RGS12: variants seen among roughly 807,000 people sequenced by gnomAD.
RGS12 encodes the protein regulator of G-protein signaling 12.
A neutral mutation model predicts 120.1 loss-of-function variants in RGS12; 66 were observed. The ratio of observed to expected loss-of-function variants is 0.55; its 90% CI spans 0.45 to 0.67. The LOEUF (loss-of-function observed/expected upper bound fraction) is 0.67, where lower values mean the gene tolerates loss of function less well. RGS12 is among the 30% of genes least tolerant of loss of function. The pLI, the probability that RGS12 is intolerant of heterozygous loss-of-function variation, is 0.00. For synonymous variants in RGS12, 827 were observed against 804.7 expected, an observed-to-expected ratio of 1.03 and a Z score of -0.47; for missense variants, 1,859 against 1,957.7, an observed-to-expected ratio of 0.95 and a Z score of 0.95.
chr4:3,344,104 C>T (rs922537825), intron 3 of RGS12, among the ~76,000 whole-genome samples: 3 of 152,120 alleles, frequency 2.0e-5, no homozygotes, highest in Non-Finnish European at 2.9e-5. Flanking sequence ...TCTGCATGAG[C>T]GGTGTGGCCA....
chr4:3,329,572 C>T (rs1711594450), intron 2 of RGS12, among the ~76,000 whole-genome samples: 1 of 146,574 alleles, frequency 6.8e-6, no homozygotes, highest in African/African-American at 2.7e-5. Flanking sequence ...AACGTCCCCT[C>T]ATACACTGAA....
intron 3 of RGS12, among the ~76,000 whole-genome samples, chr4:3,345,881 C>A (rs935108821): frequency 2.6e-5 from 4 of 152,088 alleles, no homozygotes; most frequent in African/African-American, 9.7e-5. Context: ...TTGGGTGAGA[C>A]TTTTTATAAT....
At chr4:3,302,215 TC>T (rs1232308983) in intron 1 of RGS12, among the ~76,000 whole-genome samples, 2 of 152,146 alleles carry the variant, frequency 1.3e-5, no homozygotes, top group Non-Finnish European at 2.9e-5. Context: ...CACGGGGGTA[TC>T]CTGGAGGGCT....
intron 2 of RGS12, among the ~76,000 whole-genome samples, chr4:3,328,175 G>A (rs963515058): frequency 1.3e-5 from 2 of 152,204 alleles, no homozygotes; most frequent in African/African-American, 2.4e-5. Context: ...ATTTATAAGC[G>A]GGAGCTAAAT....
intron 1 of RGS12, among the ~76,000 whole-genome samples, chr4:3,304,217 G>A (rs1248527287): frequency 1.3e-5 from 2 of 152,204 alleles, no homozygotes; most frequent in Non-Finnish European, 2.9e-5. Context: ...ATGACAAAAT[G>A]CTGACCTGGG....
chr4:3,408,164 G>A (rs1356109872), intron 4 of RGS12, among the ~76,000 whole-genome samples: 3 of 152,180 alleles, frequency 2.0e-5, no homozygotes, highest in African/African-American at 4.8e-5. Flanking sequence ...CAGACGTGGT[G>A]GCATCCCTCC....
chr4:3,389,717 ACCT>A lies in RGS12; in HGVS notation c.2020+3287_2020+3289del, dbSNP rs1257663401. Among the ~76,000 whole-genome samples the A allele has an allele frequency of 6.6e-6, 1 of 152,036 alleles. No individual in the cohort carries two copies. The highest frequency in any genetic ancestry group is 1.5e-5 in the Non-Finnish European group (1 of 67,996). On this transcript the variant is annotated intron_variant, in intron 4 of 17. Coordinates refer to ENST00000336727, the MANE Select transcript of RGS12 (RefSeq NM_001394154.1). The surrounding 1 kb of genome is among the most constrained non-coding windows in gnomAD (Gnocchi z 5.2). ...CTATCGGGGAGCTCCCAGAGCGCCC[ACCT>A]CCTCCTGCGTACGGCGTCTGTGCCA... is the stretch of plus-strand genomic sequence containing the variant.
At chr4:3,340,792 C>T (rs1248584874) in intron 2 of RGS12, among the ~76,000 whole-genome samples, 2 of 152,232 alleles carry the variant, frequency 1.3e-5, no homozygotes, top group Non-Finnish European at 2.9e-5. Context: ...CAGTGCAGTC[C>T]GTTCTCCAGC....
At chr4:3,405,875 A>T (rs535424159) in intron 4 of RGS12, among the ~76,000 whole-genome samples, 2 of 152,010 alleles carry the variant, frequency 1.3e-5, no homozygotes, top group South Asian at 4.2e-4. Context: ...TTATTCTTAT[A>T]ATTTTTCTGC....
intron 2 of RGS12, among the ~76,000 whole-genome samples, chr4:3,319,369 T>C (rs1055602789): frequency 7.9e-5 from 12 of 152,236 alleles, no homozygotes; most frequent in African/African-American, 2.7e-4. Flanking sequence ...TGATAACATT[T>C]TGATGTATGT....
At chr4:3,354,541 T>C (rs1336454124) in intron 3 of RGS12, among the ~76,000 whole-genome samples, 2 of 152,198 alleles carry the variant, frequency 1.3e-5, no homozygotes, top group Non-Finnish European at 2.9e-5. Context: ...GTCTCAAAAA[T>C]ATTCAAGCCT....
At chr4:3,330,262 G>C (rs1711686181) in intron 2 of RGS12, among the ~76,000 whole-genome samples, 1 of 152,166 alleles carries the variant, frequency 6.6e-6, no homozygotes, top group Admixed American at 6.5e-5. Flanking sequence ...AGCAATCCTA[G>C]ACACACCAAG....
At chr4:3,423,229 G>T (rs1723229212) in intron 12 of RGS12, among the ~76,000 whole-genome samples, 1 of 152,216 alleles carries the variant, frequency 6.6e-6, no homozygotes, top group Non-Finnish European at 1.5e-5. Context: ...AGCCCCCTAA[G>T]ATGCCGAGAG....
intron 3 of RGS12, among the ~76,000 whole-genome samples, chr4:3,373,894 A>G (rs987475699): frequency 6.6e-6 from 1 of 152,206 alleles, no homozygotes; most frequent in Non-Finnish European, 1.5e-5. Context: ...AAACTGTTTT[A>G]ATACATTTCT....
intron 3 of RGS12, among the ~76,000 whole-genome samples, chr4:3,371,565 A>C (rs1006311031): frequency 1.3e-5 from 2 of 152,210 alleles, no homozygotes; most frequent in African/African-American, 2.4e-5. Context: ...AAATGCTTAC[A>C]CTGGCAGATA....
At chr4:3,402,951 C>G (rs1219506823) in intron 4 of RGS12, among the ~76,000 whole-genome samples, 2 of 152,158 alleles carry the variant, frequency 1.3e-5, no homozygotes, top group African/African-American at 4.8e-5. Context: ...TCAGATGTGA[C>G]CTCACCAACT....
intron 1 of RGS12, among the ~76,000 whole-genome samples, chr4:3,304,350 G>C (rs1578680881): frequency 6.6e-6 from 1 of 152,180 alleles, no homozygotes; most frequent in Non-Finnish European, 1.5e-5. Flanking sequence ...TAGGTTATTA[G>C]TATTCAGATT....
At chr4:3,337,106 A>G (rs1578758222) in intron 2 of RGS12, among the ~76,000 whole-genome samples, 2 of 152,354 alleles carry the variant, frequency 1.3e-5, no homozygotes, top group Non-Finnish European at 1.5e-5. Flanking sequence ...AAGATGCCCA[A>G]CATCATCAAT....
At chr4:3,334,100 A>G (rs1712184371) in intron 2 of RGS12, among the ~76,000 whole-genome samples, 1 of 152,232 alleles carries the variant, frequency 6.6e-6, no homozygotes, top group Non-Finnish European at 1.5e-5. Flanking sequence ...AAGCTGGTTG[A>G]AAAAGGAATT....
Sources: gnomAD v4.1 joint callset for allele counts (sites outside exome capture counted in the v4.1 genomes callset) on GRCh38, gnomAD v4.1.1 for gene constraint, Gnocchi (gnomAD v3.1) non-coding constraint, MANE v1.5 for transcripts, NCBI Gene and HGNC (gene_info 2026-07-23, HGNC 2026-07-21) for gene names.